SPATA1: variants seen among roughly 807,000 people sequenced by gnomAD.
SPATA1 encodes the protein spermatogenesis-associated protein 1.
A neutral mutation model predicts 59.6 loss-of-function variants in SPATA1; 57 were observed. The ratio of observed to expected loss-of-function variants is 0.96; its 90% CI spans 0.77 to 1.19. The LOEUF (loss-of-function observed/expected upper bound fraction) is 1.19, where lower values mean the gene tolerates loss of function less well. Ranked by LOEUF, SPATA1 falls within the 50% of genes most tolerant of loss-of-function variation. The pLI is 0.00. For missense variants in SPATA1, 448 were observed against 480.7 expected, an observed-to-expected ratio of 0.93 and a Z score of 0.64; for synonymous variants, 147 against 163.9, an observed-to-expected ratio of 0.90 and a Z score of 0.79.
At chr1:84,558,512 C>T (rs1005068326), downstream of SPATA1, among the ~76,000 whole-genome samples, 4 of 150,842 alleles carry the variant, frequency 2.7e-5, no homozygotes, top group East Asian at 2.0e-4. Flanking sequence ...GGGATGGTCT[C>T]GATCTCCTGA....
At chr1:84,548,845 G>A (rs773564497) in exon 11 of SPATA1, 1 of 1,584,852 alleles carries the variant, frequency 6.3e-7, no homozygotes, top group East Asian at 2.4e-5. Flanking sequence ...ATCAATGGAG[G>A]AGGTTTTAAC....
chr1:84,508,873 T>C (rs1422352931), intron 1 of SPATA1, among the ~76,000 whole-genome samples: 1 of 152,098 alleles, frequency 6.6e-6, no homozygotes, highest in Admixed American at 6.6e-5. Flanking sequence ...GTTAAAGATC[T>C]GTACAAAGAA....
At chr1:84,565,268 A>G (rs1404159973) in intron 4 of SPATA1, among the ~76,000 whole-genome samples, 2 of 152,180 alleles carry the variant, frequency 1.3e-5, no homozygotes, top group Non-Finnish European at 2.9e-5. Flanking sequence ...ATGGAATACA[A>G]ACCAATCCAA....
chr1:84,563,847 G>A (rs775129102), intron 4 of SPATA1: 1 of 1,594,132 alleles, frequency 6.3e-7, no homozygotes, highest in Non-Finnish European at 8.5e-7. Context: ...TCAAGCAGGA[G>A]AGAAAAAGCA....
intron 1 of SPATA1, among the ~76,000 whole-genome samples, chr1:84,507,739 T>G (rs1682334761): frequency 6.6e-6 from 1 of 152,160 alleles, no homozygotes; most frequent in South Asian, 2.1e-4. Context: ...CACTGAACTC[T>G]TAGAACCGTG....
chr1:84,522,210 TAA>T (rs1374643940), intron 3 of SPATA1, among the ~76,000 whole-genome samples, 178 bp from the exon 4 acceptor site: 5 of 152,216 alleles, frequency 3.3e-5, no homozygotes, highest in Non-Finnish European at 7.3e-5. Context: ...TTATTTATTT[TAA>T]GAGCTATTTA....
chr1:84,560,908 T>C (rs147586092), intron 4 of SPATA1, among the ~76,000 whole-genome samples: 2,354 of 152,346 alleles, frequency 0.015, 75 homozygotes, highest in African/African-American at 0.054. Flanking sequence ...AAAATATTAC[T>C]GCTCATTGAC....
chr1:84,550,781 A>G, intron 12 of SPATA1: 3 of 1,051,888 alleles, frequency 2.9e-6, no homozygotes, highest in Non-Finnish European at 3.4e-6. Flanking sequence ...ATTAAAGGAA[A>G]AGGAACCTGT....
At chr1:84,546,977 T>C (rs1030536528) in intron 10 of SPATA1, among the ~76,000 whole-genome samples, 2 of 121,264 alleles carry the variant, frequency 1.6e-5, no homozygotes, top group Non-Finnish European at 3.2e-5. Flanking sequence ...CCGTTTTGGG[T>C]TGTGTTGAGG....
At chr1:84,557,271 G>T (rs1486887919), downstream of SPATA1, among the ~76,000 whole-genome samples, 1 of 152,082 alleles carries the variant, frequency 6.6e-6, no homozygotes, top group African/African-American at 2.4e-5. Flanking sequence ...GATGGCTTAC[G>T]CCTGTAATCC....
At chr1:84,515,194 T>A (rs1167807985) in intron 1 of SPATA1, among the ~76,000 whole-genome samples, 6 of 152,136 alleles carry the variant, frequency 3.9e-5, no homozygotes, top group South Asian at 4.1e-4. Flanking sequence ...ATTAATACAA[T>A]GGCATACAGA....
At chr1:84,550,694 A>G in intron 12 of SPATA1, 164 bp downstream of exon 12, 1 of 1,195,768 alleles carries the variant, frequency 8.4e-7, no homozygotes, top group Non-Finnish European at 1.0e-6. Context: ...AAAATGCAGG[A>G]AGAAAAACTA....
downstream of SPATA1, among the ~76,000 whole-genome samples, chr1:84,559,024 G>T (rs1684533675): frequency 6.6e-6 from 1 of 152,128 alleles, no homozygotes; most frequent in South Asian, 2.1e-4. Context: ...AAGATTCTAT[G>T]TTACATATTT....
chr1:84,560,534 G>C (rs74095455), intron 4 of SPATA1, among the ~76,000 whole-genome samples: 1 of 152,116 alleles, frequency 6.6e-6, no homozygotes, highest in Non-Finnish European at 1.5e-5. Context: ...CTCCCATGTC[G>C]GGTAAAATTA....
At chr1:84,511,603 TCTAA>T (rs1244333288) in intron 1 of SPATA1, among the ~76,000 whole-genome samples, 1 of 151,496 alleles carries the variant, frequency 6.6e-6, no homozygotes, top group African/African-American at 2.4e-5. Flanking sequence ...GTTCTAGAAG[TCTAA>T]CTACTATAAA....
intron 7 of SPATA1, 81 bp downstream of exon 7, chr1:84,533,055 A>G: frequency 1.1e-6 from 1 of 923,992 alleles, no homozygotes; most frequent in Non-Finnish European, 1.6e-6. Flanking sequence ...TATTGTTATA[A>G]AGACTTCTAC....
intron 1 of SPATA1, among the ~76,000 whole-genome samples, chr1:84,513,842 ATTT>A (rs60377217): frequency 1.6e-5 from 2 of 125,040 alleles, no homozygotes; most frequent in African/African-American, 3.2e-5. Flanking sequence ...TCTATATTCT[ATTT>A]TTTTTTTTTT....
At chr1:84,537,779 G>T (rs1319452575) in intron 8 of SPATA1, among the ~76,000 whole-genome samples, 1 of 152,174 alleles carries the variant, frequency 6.6e-6, no homozygotes, top group Admixed American at 6.5e-5. Flanking sequence ...TAGGGTGGAG[G>T]TTTAGAGGGG....
chr1:84,557,581 C>G (rs1190211058), downstream of SPATA1, among the ~76,000 whole-genome samples: 1 of 143,724 alleles, frequency 7.0e-6, no homozygotes, highest in Non-Finnish European at 1.5e-5. Context: ...GGAGGCTGGG[C>G]GCGGTGGCTC....
Sources: allele counts gnomAD v4.1 joint callset (sites outside exome capture counted in the v4.1 genomes callset), GRCh38; gene constraint gnomAD v4.1.1; transcripts MANE v1.5; gene names NCBI Gene and HGNC (gene_info 2026-07-23, HGNC 2026-07-21).